ZBTB7C: variants seen among roughly 807,000 people sequenced by gnomAD.
The protein encoded by ZBTB7C is zinc finger and BTB domain containing 7C.
In ZBTB7C, 8 loss-of-function variants were observed where a neutral mutation model predicts 25.7. That is an observed-to-expected ratio of 0.31 (90% CI 0.18 to 0.56). ZBTB7C has a LOEUF of 0.56. Ranked by LOEUF, ZBTB7C falls within the 20% of genes least tolerant of loss-of-function variation. ZBTB7C has a pLI of 0.91. For synonymous variants in ZBTB7C, 394 were observed against 369.0 expected (o/e 1.07, Z -0.78); for missense variants, 824 against 855.2 (o/e 0.96, Z 0.46).
intron 2 of ZBTB7C, among the ~76,000 whole-genome samples, chr18:48,297,484 T>A (rs964761756): frequency 1.3e-5 from 2 of 152,108 alleles, no homozygotes; most frequent in Non-Finnish European, 2.9e-5. Context: ...TACTTGTCCC[T>A]CTCTCTCCCC....
intron 3 of ZBTB7C, among the ~76,000 whole-genome samples, chr18:48,140,991 C>T (rs980862705): frequency 4.6e-5 from 7 of 152,218 alleles, no homozygotes; most frequent in African/African-American, 1.2e-4. Flanking sequence ...CAACGCCACA[C>T]GACTGCCAAA....
chr18:48,048,022 G>C (rs1320656412), intron 3 of ZBTB7C, among the ~76,000 whole-genome samples: 1 of 152,130 alleles, frequency 6.6e-6, no homozygotes, highest in Non-Finnish European at 1.5e-5. Context: ...TGCCCCCTGG[G>C]AAGTCCAATT....
chr18:48,253,652 C>T (rs2144459712), intron 2 of ZBTB7C, among the ~76,000 whole-genome samples: 1 of 152,238 alleles, frequency 6.6e-6, no homozygotes, highest in South Asian at 2.1e-4. Flanking sequence ...AGAGAAAGAA[C>T]CTCAGAGATC....
chr18:48,381,316 G>GT, intron 1 of ZBTB7C, among the ~76,000 whole-genome samples: 1 of 152,284 alleles, frequency 6.6e-6, no homozygotes, highest in East Asian at 1.9e-4. Flanking sequence ...CCAGGCACAG[G>GT]TATCAATCAG....
At chr18:48,086,638 C>T (rs1191616053) in intron 3 of ZBTB7C, among the ~76,000 whole-genome samples, 3 of 152,208 alleles carry the variant, frequency 2.0e-5, no homozygotes, top group African/African-American at 7.2e-5. Context: ...AGGGAGAAAT[C>T]ATCTTTCCTT....
chr18:48,367,250 CACAT>C (rs1417175888), intron 1 of ZBTB7C, among the ~76,000 whole-genome samples: 147 of 129,206 alleles, frequency 1.1e-3, no homozygotes, highest in African/African-American at 1.7e-3. Context: ...CACACACACA[CACAT>C]ATATAGTATA....
chr18:48,329,425 GCCC>G (rs2046295718), intron 2 of ZBTB7C, among the ~76,000 whole-genome samples: 1 of 152,172 alleles, frequency 6.6e-6, no homozygotes, highest in Admixed American at 6.5e-5. Context: ...CGCTGCTGTT[GCCC>G]CCATGCCACA....
intron 3 of ZBTB7C, among the ~76,000 whole-genome samples, chr18:48,125,309 G>A (rs561029000): frequency 9.2e-5 from 14 of 152,298 alleles, no homozygotes; most frequent in African/African-American, 3.1e-4. Context: ...TGTGGAAGCC[G>A]TGTAAGGGAT....
intron 2 of ZBTB7C, among the ~76,000 whole-genome samples, chr18:48,241,588 A>G (rs188127849): frequency 7.9e-5 from 12 of 152,336 alleles, no homozygotes; most frequent in Admixed American, 7.2e-4. Context: ...AAATTAAATA[A>G]TCTGCTCCTG....
chr18:48,059,092 G>GT (rs1316387153), intron 3 of ZBTB7C, among the ~76,000 whole-genome samples: 1 of 152,178 alleles, frequency 6.6e-6, no homozygotes, highest in Non-Finnish European at 1.5e-5. Flanking sequence ...AGCTGCTATG[G>GT]TTTTGGGGCA....
intron 1 of ZBTB7C, among the ~76,000 whole-genome samples, chr18:48,386,431 TAGACAGTGA>T (rs2047749863): frequency 1.3e-5 from 1 of 79,866 alleles, no homozygotes; most frequent in Non-Finnish European, 3.0e-5. Context: ...GTGCTTACCC[TAGACAGTGA>T]GTGGATGTCA....
intron 3 of ZBTB7C, among the ~76,000 whole-genome samples, chr18:48,119,091 C>T (rs1313848571): frequency 2.6e-5 from 4 of 152,118 alleles, no homozygotes; most frequent in African/African-American, 9.7e-5. Flanking sequence ...GTGTCCCATC[C>T]TCAGGGTTTC....
intron 1 of ZBTB7C, among the ~76,000 whole-genome samples, chr18:48,340,276 G>A (rs912849849): frequency 6.6e-6 from 1 of 152,198 alleles, no homozygotes; most frequent in African/African-American, 2.4e-5. Context: ...CCAAAGGCCA[G>A]GAAACCCAGG....
chr18:48,375,373 T>C (rs1425494788), intron 1 of ZBTB7C, among the ~76,000 whole-genome samples: 1 of 152,058 alleles, frequency 6.6e-6, no homozygotes, highest in African/African-American at 2.4e-5. Context: ...GGACACACAG[T>C]GGGAAGGAAA....
chr18:48,190,393 G>A (rs1246050833), intron 2 of ZBTB7C, among the ~76,000 whole-genome samples: 1 of 152,164 alleles, frequency 6.6e-6, no homozygotes, highest in Non-Finnish European at 1.5e-5. Context: ...ACCTGCTGGG[G>A]ATGCAGATAT....
intron 2 of ZBTB7C, among the ~76,000 whole-genome samples, chr18:48,262,200 C>T (rs1023365655): frequency 1.3e-5 from 2 of 152,214 alleles, no homozygotes; most frequent in Admixed American, 6.5e-5. Flanking sequence ...CGGCTCAAGG[C>T]TGCACAGTGA....
intron 1 of ZBTB7C, among the ~76,000 whole-genome samples, chr18:48,398,392 T>C (rs1253865708): frequency 6.6e-6 from 1 of 152,174 alleles, no homozygotes; most frequent in African/African-American, 2.4e-5. Context: ...TGGAGGACCC[T>C]GCATATGGGC....
rs11315152 is a variant in ZBTB7C at position 48,156,833 on chromosome 18, T to TC, written c.-17+29100dup. Among the ~76,000 whole-genome samples, 4 of 151,792 alleles carry TC rather than the reference T, an allele frequency of 2.6e-5. No homozygotes were observed. In the East Asian group the frequency reaches 5.8e-4, roughly 22 times the overall value. ...TCCCCCTTAGAACACTTTTTTTTTT[T>TC]CCCCGAGAGCGAGTGATGTTGGATA... On this transcript the variant is annotated intron_variant, in intron 3 of 4. Coordinates refer to ENST00000590800, the MANE Select transcript of ZBTB7C (RefSeq NM_001318841.2).
At chr18:48,244,291 T>C (rs1020597017) in intron 2 of ZBTB7C, among the ~76,000 whole-genome samples, 1 of 152,174 alleles carries the variant, frequency 6.6e-6, no homozygotes, top group Non-Finnish European at 1.5e-5. Flanking sequence ...GGCAGGTGCC[T>C]GTAGTCCCAG....
Sources: gnomAD v4.1 joint callset for allele counts (sites outside exome capture counted in the v4.1 genomes callset) on GRCh38, gnomAD v4.1.1 for gene constraint, MANE v1.5 for transcripts, NCBI Gene and HGNC (gene_info 2026-07-23, HGNC 2026-07-21) for gene names.